Variants in EIF3H observed in about 807,000 individuals in gnomAD.
EIF3H encodes the protein eukaryotic translation initiation factor 3 subunit H, also known as eIF-3-gamma.
Under a neutral mutation model 44.2 loss-of-function variants are expected in EIF3H, and 26 were observed. The ratio of observed to expected loss-of-function variants is 0.59; its 90% CI spans 0.43 to 0.82. EIF3H has a LOEUF of 0.82. Ranked by LOEUF, EIF3H falls within the 40% of genes least tolerant of loss-of-function variation. The pLI is 0.00. For synonymous variants in EIF3H, 166 were observed against 151.9 expected (o/e 1.09, Z -0.68); for missense variants, 359 against 432.8 (o/e 0.83, Z 1.51).
intron 2 of EIF3H, among the ~76,000 whole-genome samples, chr8:116,709,498 T>G (rs1814536119): frequency 6.6e-6 from 1 of 152,202 alleles, no homozygotes; most frequent in Non-Finnish European, 1.5e-5. Flanking sequence ...TATGCACGTA[T>G]GCAAAAAGAA....
chr8:116,738,223 AAACT>A (rs1273740472), intron 1 of EIF3H, among the ~76,000 whole-genome samples: 2 of 152,222 alleles, frequency 1.3e-5, no homozygotes, highest in Admixed American at 6.5e-5. Flanking sequence ...AAAATAGAAC[AAACT>A]AACGTTTCAT....
In EIF3H at chr8:116,754,391, G is replaced by A. The variant is rs191225041; in HGVS notation, c.132+1275C>T. On this transcript the variant is annotated intron_variant, in intron 1 of 7. Transcript: ENST00000521861. Reference sequence around the variant, plus strand: ...CTCCCAAAGTGCTGGGATTACAGCCGTGAGCCACCACGCCCGGCCTGCATT... The same window carrying A: ...CTCCCAAAGTGCTGGGATTACAGCCATGAGCCACCACGCCCGGCCTGCATT... Among the ~76,000 whole-genome samples the A allele has an allele frequency of 3.7e-3, 569 of 152,248 alleles. 6 individuals carry two copies. Among genetic ancestry groups the A allele is most frequent in the Middle Eastern group, 6.8e-3 (2 of 294 alleles).
chr8:116,673,843 G>C lies in EIF3H; in HGVS notation c.290-14863C>G, dbSNP rs183686642. ...TCCGAGCACTTTGGCAGGCCGAAGC[G>C]GGCGGATCAGAGGTCAGGAGATGGA... On this transcript the variant is annotated intron_variant, in intron 2 of 7. Coordinates refer to ENST00000521861, the MANE Select transcript of EIF3H (RefSeq NM_003756.3). Among the ~76,000 whole-genome samples, 877 of 152,028 alleles carry C rather than the reference G, an allele frequency of 5.8e-3. 5 individuals carry two copies. The highest frequency in any genetic ancestry group is 7.7e-3 in the Non-Finnish European group (521 of 67,972).
At chr8:116,649,542 T>A (rs1171481936) in intron 5 of EIF3H, among the ~76,000 whole-genome samples, 1 of 152,232 alleles carries the variant, frequency 6.6e-6, no homozygotes, top group African/African-American at 2.4e-5. Flanking sequence ...ACTGGCACAA[T>A]GACCACCATA....
At chr8:116,682,332 T>C (rs958368802) in intron 2 of EIF3H, among the ~76,000 whole-genome samples, 2 of 152,224 alleles carry the variant, frequency 1.3e-5, no homozygotes, top group Admixed American at 1.3e-4. Context: ...CTTTAAAAAG[T>C]TACTAACAGT....
chr8:116,757,616 A>T (rs1815471676), upstream of EIF3H, among the ~76,000 whole-genome samples: 1 of 152,236 alleles, frequency 6.6e-6, no homozygotes, highest in Non-Finnish European at 1.5e-5. Flanking sequence ...TGTTCAAATA[A>T]CCCAGAAGAA....
rs548156589 is a variant in EIF3H, at chr8:116,745,940, A to G, written c.132+9726T>C. On this transcript the variant is annotated intron_variant, in intron 1 of 7. Coordinates refer to ENST00000521861, the MANE Select transcript of EIF3H (RefSeq NM_003756.3). ...TGTCTCAAAGGAAAAAAAAAAAAGG[A>G]AAAGTCAGATGGACTTAGAATTACC... is the stretch of plus-strand genomic sequence containing the variant. Among the ~76,000 whole-genome samples the G allele has an allele frequency of 2.0e-5, 3 of 151,918 alleles. No homozygotes were observed. The East Asian group carries it at 5.8e-4, about 29-fold the overall frequency.
At position 116,655,840 on chromosome 8, in the gene EIF3H, A is replaced by C. The variant is rs943860758; in HGVS notation, c.707+16T>G. 3 of 1,612,700 alleles carry C rather than the reference A, an allele frequency of 1.9e-6. No homozygotes were observed. The highest frequency in any genetic ancestry group is 2.5e-6 in the Non-Finnish European group (3 of 1,179,380). ...AGTTCTAAAACATGGGCTTTTCATT[A>C]GGCAGGGCCACTTACCTGCTGGCAA... On this transcript the variant is annotated intron_variant, in intron 5 of 7. Transcript: ENST00000521861.
intron 1 of EIF3H, among the ~76,000 whole-genome samples, chr8:116,743,619 G>A (rs1439459655): frequency 6.6e-6 from 1 of 151,394 alleles, no homozygotes; most frequent in African/African-American, 2.4e-5. Flanking sequence ...GCTAGGTGTG[G>A]TAACATGCAC....
chr8:116,701,606 T>C (rs949385894), intron 2 of EIF3H, among the ~76,000 whole-genome samples: 4 of 152,120 alleles, frequency 2.6e-5, no homozygotes, highest in African/African-American at 9.7e-5. Flanking sequence ...TTAAGACATG[T>C]TGAGATGATG....
intron 2 of EIF3H, among the ~76,000 whole-genome samples, chr8:116,693,425 T>C (rs1814213680): frequency 2.0e-5 from 3 of 152,170 alleles, no homozygotes; most frequent in African/African-American, 7.2e-5. Flanking sequence ...TGGTAACAAA[T>C]AGAGAAACAC....
chr8:116,755,942 C>T, upstream of EIF3H: 1 of 1,537,364 alleles, frequency 6.5e-7, no homozygotes, highest in Non-Finnish European at 8.7e-7. Context: ...CTCCTGTTTT[C>T]CAGTTTTACC....
chr8:116,764,666 C>CT (rs1815550106), intron 1 of EIF3H, among the ~76,000 whole-genome samples: 1 of 152,166 alleles, frequency 6.6e-6, no homozygotes. Context: ...ATAGAAAACT[C>CT]TATTTTTTTC....
chr8:116,676,466 C>T (rs1050161288), intron 2 of EIF3H, among the ~76,000 whole-genome samples: 1 of 152,128 alleles, frequency 6.6e-6, no homozygotes, highest in Non-Finnish European at 1.5e-5. Flanking sequence ...GGGGAAGAGC[C>T]TCTTATAAAA....
At chr8:116,730,920 A>G (rs1486583598) in intron 1 of EIF3H, among the ~76,000 whole-genome samples, 3 of 152,220 alleles carry the variant, frequency 2.0e-5, no homozygotes, top group Non-Finnish European at 4.4e-5. Flanking sequence ...CCCATTTTAC[A>G]TAAGGAAACA....
chr8:116,733,688 C>A lies in EIF3H; in HGVS notation c.133-7516G>T, dbSNP rs145703353. On this transcript the variant is annotated intron_variant, in intron 1 of 7. Transcript: ENST00000521861. ...CCCCAAAAATCTTATACATTGATAT[C>A]TGCATATCAGAAATTCAAACCAAGA... 6.1e-3 allele frequency among the ~76,000 whole-genome samples: 933 copies of A among 151,930 alleles called. 12 individuals carry two copies. The highest frequency in any genetic ancestry group is 0.021 in the African/African-American group (888 of 41,450).
intron 2 of EIF3H, among the ~76,000 whole-genome samples, chr8:116,712,077 C>T (rs1009127295): frequency 6.6e-5 from 10 of 152,164 alleles, no homozygotes; most frequent in African/African-American, 2.2e-4. Context: ...GACTTGAGAA[C>T]AACTGGAATT....
intron 2 of EIF3H, among the ~76,000 whole-genome samples, chr8:116,703,209 A>G (rs1814407993): frequency 6.6e-6 from 1 of 152,218 alleles, no homozygotes; most frequent in African/African-American, 2.4e-5. Flanking sequence ...ATTATAACCT[A>G]GGAAAAACGA....
At chr8:116,752,745 GA>G (rs1815373582) in intron 1 of EIF3H, among the ~76,000 whole-genome samples, 1 of 106,236 alleles carries the variant, frequency 9.4e-6, no homozygotes, top group African/African-American at 3.9e-5. Context: ...GAGAAAGAAA[GA>G]AAGAAAGAGG....
Sources: allele counts gnomAD v4.1 joint callset (sites outside exome capture counted in the v4.1 genomes callset), GRCh38; gene constraint gnomAD v4.1.1; transcripts MANE v1.5; gene names NCBI Gene and HGNC (gene_info 2026-07-23, HGNC 2026-07-21).